Variants in MAP6 observed in about 807,000 individuals in gnomAD.
The protein encoded by MAP6 is microtubule associated protein 6.
In MAP6, 26 loss-of-function variants were observed where a neutral mutation model predicts 42.4. That is an observed-to-expected ratio of 0.61 (90% CI 0.45 to 0.85). The LOEUF is 0.85. Ranked by LOEUF, MAP6 falls within the 40% of genes least tolerant of loss-of-function variation. MAP6 has a pLI of 0.00. For synonymous variants in MAP6, 418 were observed against 443.8 expected (o/e 0.94, Z 0.73); for missense variants, 966 against 1,099.0 (o/e 0.88, Z 1.71).
intron 1 of MAP6, among the ~76,000 whole-genome samples, chr11:75,651,498 C>T (rs953997786): frequency 6.6e-6 from 1 of 152,074 alleles, no homozygotes; most frequent in East Asian, 1.9e-4. Context: ...CACTGTATAC[C>T]TTTTAATACC....
chr11:75,629,218 G>A (rs1259005528), intron 1 of MAP6, among the ~76,000 whole-genome samples: 1 of 152,170 alleles, frequency 6.6e-6, no homozygotes, highest in Non-Finnish European at 1.5e-5. Context: ...CTCCGAAGTA[G>A]CTGGGATTAC....
At chr11:75,605,743 A>G in intron 3 of MAP6, 65 bp downstream of exon 3, 3 of 828,382 alleles carry the variant, frequency 3.6e-6, no homozygotes, top group Non-Finnish European at 4.9e-6. Flanking sequence ...TTGTTGGTTT[A>G]AAAAAAAAAA....
intron 1 of MAP6, among the ~76,000 whole-genome samples, chr11:75,665,833 C>T (rs1037560960): frequency 6.6e-6 from 1 of 152,126 alleles, no homozygotes; most frequent in African/African-American, 2.4e-5. Context: ...AAGTGCTGTA[C>T]TCCTGGGTTC....
At chr11:75,604,670 A>G in intron 3 of MAP6, 1 of 985,162 alleles carries the variant, frequency 1.0e-6, no homozygotes, top group South Asian at 4.7e-5. Flanking sequence ...GGCACTTGCC[A>G]CCCTTGGGGG....
chr11:75,667,347 G>T lies in MAP6; in HGVS notation c.905+118C>A. 1.0e-6 allele frequency: 1 copy of T among 961,140 alleles called. No individual in the cohort carries two copies. The highest frequency in any genetic ancestry group is 1.4e-6 in the Non-Finnish European group (1 of 702,590). 59.5% of individuals were successfully genotyped at this position (961,140 alleles called of 1,614,324 possible). On this transcript the variant is annotated intron_variant, in intron 1 of 3. Coordinates refer to ENST00000304771, the MANE Select transcript of MAP6 (RefSeq NM_033063.2). The surrounding 1 kb of genome is among the most constrained non-coding windows in gnomAD (Gnocchi z 5.6). ...TGGGAGGCGGCTGGGGAGAGGGTGTGGCCTGGGACTGGAGGGAGGCTGCAC... is the reference window on the plus strand; with the variant it reads ...TGGGAGGCGGCTGGGGAGAGGGTGTTGCCTGGGACTGGAGGGAGGCTGCAC...
chr11:75,603,855 T>C lies in MAP6; in HGVS notation c.1316+1953A>G, dbSNP rs756666573. The C allele has an allele frequency of 1.5e-5, 15 of 985,350 alleles. No individual in the cohort carries two copies. The Admixed American group carries it at 2.5e-4, about 16-fold the overall frequency. The allele number at this position is 985,350 out of a possible 1,614,324, so 61.0% of individuals were successfully genotyped here. ...TCTGCAAAAATAAATGATTATTCTA[T>C]GGAGAAATCCAAATTGTGGCTAGCA... On this transcript the variant is annotated intron_variant, in intron 3 of 3. Transcript: ENST00000304771.
chr11:75,609,622 C>T (rs369097052), intron 1 of MAP6, among the ~76,000 whole-genome samples: 2 of 152,226 alleles, frequency 1.3e-5, no homozygotes, highest in East Asian at 3.8e-4. Context: ...CTTATAATGT[C>T]CTTCTAGCTC....
chr11:75,619,628 T>G (rs1049801025), intron 1 of MAP6, among the ~76,000 whole-genome samples: 1 of 152,166 alleles, frequency 6.6e-6, no homozygotes, highest in Non-Finnish European at 1.5e-5. Flanking sequence ...TGTTTGTGAG[T>G]TAGTTTGCTA....
chr11:75,609,202 A>C (rs1411148903), intron 1 of MAP6, among the ~76,000 whole-genome samples: 1 of 152,188 alleles, frequency 6.6e-6, no homozygotes, highest in Non-Finnish European at 1.5e-5. Context: ...CAATGTTCAA[A>C]ACAGAGTTAA....
At chr11:75,660,151 C>T (rs1003918014) in intron 1 of MAP6, among the ~76,000 whole-genome samples, 2 of 152,186 alleles carry the variant, frequency 1.3e-5, no homozygotes, top group African/African-American at 2.4e-5. Context: ...ATGGATATCC[C>T]TTCTGCTGTC....
At chr11:75,663,911 T>C (rs1943899036) in intron 1 of MAP6, among the ~76,000 whole-genome samples, 1 of 152,242 alleles carries the variant, frequency 6.6e-6, no homozygotes, top group South Asian at 2.1e-4. Context: ...TATTTCACCC[T>C]GGTTTATTAA....
chr11:75,667,652 T>A lies in MAP6; in HGVS notation c.718A>T (p.Arg240Trp). ...ASGADERDTR[R>W]KAGPAWIVRR... The stretch of plus-strand genomic sequence containing the variant: ...ACAATCCAGGCAGGCCCGGCCTTCC[T>A]GCGCGTGTCGCGCTCGTCCGCCCCG... The change falls in exon 1 of 4, where the codon AGG (arginine) becomes TGG (tryptophan). Residue 240 changes from arginine (R) to tryptophan (W), a missense_variant. Transcript: ENST00000304771. The surrounding 1 kb of genome is among the most constrained non-coding windows in gnomAD (Gnocchi z 5.6). 1 of 1,258,022 alleles carries A rather than the reference T, an allele frequency of 7.9e-7. No homozygotes were observed. The highest frequency in any genetic ancestry group is 9.9e-7 in the Non-Finnish European group (1 of 1,005,438). The allele number at this position is 1,258,022 out of a possible 1,614,324, so 77.9% of individuals were successfully genotyped here.
At chr11:75,603,677 A>G in intron 3 of MAP6, 16 of 985,316 alleles carry the variant, frequency 1.6e-5, no homozygotes, top group Non-Finnish European at 1.9e-5. Context: ...GGTCATAGGG[A>G]TCAAGTCATG....
chr11:75,616,540 G>C (rs758143498), intron 1 of MAP6, among the ~76,000 whole-genome samples: 33 of 152,220 alleles, frequency 2.2e-4, no homozygotes, highest in Non-Finnish European at 3.8e-4. Context: ...GTCACTGAAT[G>C]CTGTCGGTTG....
At chr11:75,646,412 AGCACTTTGG>A (rs150156039) in intron 1 of MAP6, among the ~76,000 whole-genome samples, 7,491 of 151,262 alleles carry the variant, frequency 0.05, 230 homozygotes, top group East Asian at 0.14. Flanking sequence ...CTGTAATCCC[AGCACTTTGG>A]GAGGCCGAGG....
chr11:75,610,549 G>C (rs998471661), intron 1 of MAP6, among the ~76,000 whole-genome samples: 3 of 152,272 alleles, frequency 2.0e-5, no homozygotes, highest in Non-Finnish European at 4.4e-5. Context: ...ACAGGCCATG[G>C]AGGCCATGCC....
At position 75,631,694 on chromosome 11, in the gene MAP6, T is replaced by C. The variant is rs992663297; in HGVS notation, c.906-23372A>G. Among the ~76,000 whole-genome samples, 3 of 152,230 alleles carry C rather than the reference T, an allele frequency of 2.0e-5. No individual in the cohort carries two copies. In the East Asian group the frequency reaches 5.8e-4, roughly 29 times the overall value. On this transcript the variant is annotated intron_variant, in intron 1 of 3. Coordinates refer to ENST00000304771, the MANE Select transcript of MAP6 (RefSeq NM_033063.2). ...TCAACATGAGACCAGTGAAATTCAA[T>C]TGAAGCAGAGCACACTTATATCCTC...
chr11:75,656,373 C>T (rs905012188), intron 1 of MAP6, among the ~76,000 whole-genome samples: 2 of 152,142 alleles, frequency 1.3e-5, no homozygotes, highest in Non-Finnish European at 2.9e-5. Context: ...AAACAAATAC[C>T]CACTGACAGT....
intron 1 of MAP6, among the ~76,000 whole-genome samples, chr11:75,618,734 C>T (rs1415990272): frequency 1.3e-5 from 2 of 152,220 alleles, no homozygotes; most frequent in Non-Finnish European, 2.9e-5. Context: ...ACCGGCAGAC[C>T]TCCATCTGGT....
Sources: gnomAD v4.1 joint callset for allele counts (sites outside exome capture counted in the v4.1 genomes callset) on GRCh38, gnomAD v4.1.1 for gene constraint, Gnocchi (gnomAD v3.1) non-coding constraint, MANE v1.5 for transcripts, NCBI Gene and HGNC (gene_info 2026-07-23, HGNC 2026-07-21) for gene names.